The following PAWR variants were observed in gnomAD, a reference collection of about 807,000 sequenced individuals.
PAWR encodes PRKC apoptosis WT1 regulator protein.
In PAWR, 23 loss-of-function variants were observed where a neutral mutation model predicts 32.0. That is an observed-to-expected ratio of 0.72 (90% CI 0.52 to 1.02). The LOEUF (loss-of-function observed/expected upper bound fraction) is 1.02. PAWR is among the 50% of genes least tolerant of loss of function. The pLI is 0.00. For missense variants in PAWR, 457 were observed against 437.7 expected, an observed-to-expected ratio of 1.04 and a Z score of -0.39; for synonymous variants, 226 against 187.1, an observed-to-expected ratio of 1.21 and a Z score of -1.70.
intron 2 of PAWR, among the ~76,000 whole-genome samples, chr12:79,641,390 G>A (rs1340574642): frequency 2.0e-5 from 3 of 152,154 alleles, no homozygotes; most frequent in African/African-American, 4.8e-5. Context: ...ACAAGTGATG[G>A]AGCTGTGATA....
At position 79,689,645 on chromosome 12, in the gene PAWR, G is replaced by A. The variant is rs1592563905; in HGVS notation, c.516+84C>T. 5.3e-5 allele frequency: 77 copies of A among 1,443,450 alleles called. No individual in the cohort carries two copies. In the East Asian group the frequency reaches 2.0e-3, roughly 38 times the overall value. 89.4% of individuals were successfully genotyped at this position (1,443,450 alleles called of 1,614,324 possible). ...ACGAGCCAGGGGAGGTAAACTCTGCGCCCCGGGTAGCTCCCAGGAGGAAGA... is the reference window on the plus strand; with the variant it reads ...ACGAGCCAGGGGAGGTAAACTCTGCACCCCGGGTAGCTCCCAGGAGGAAGA... On this transcript the variant is annotated intron_variant, in intron 2 of 6. Coordinates refer to ENST00000328827, the MANE Select transcript of PAWR (RefSeq NM_002583.4).
intron 5 of PAWR, among the ~76,000 whole-genome samples, chr12:79,595,521 T>C (rs980942749): frequency 1.1e-4 from 17 of 152,316 alleles, no homozygotes; most frequent in Admixed American, 1.0e-3. Flanking sequence ...AACTATTAGA[T>C]TACATATTGT....
At chr12:79,682,497 T>C (rs1416753881) in intron 2 of PAWR, among the ~76,000 whole-genome samples, 1 of 152,238 alleles carries the variant, frequency 6.6e-6, no homozygotes, top group Admixed American at 6.5e-5. Flanking sequence ...CATTGAAAAA[T>C]ACACTGTGAC....
intron 3 of PAWR, among the ~76,000 whole-genome samples, chr12:79,616,730 T>A (rs1441358506): frequency 6.6e-6 from 1 of 151,934 alleles, no homozygotes; most frequent in East Asian, 1.9e-4. Flanking sequence ...GTTTTTTTTT[T>A]AAACACTCAG....
intron 3 of PAWR, among the ~76,000 whole-genome samples, chr12:79,614,460 T>C (rs1874630077): frequency 6.6e-6 from 1 of 152,132 alleles, no homozygotes; most frequent in Non-Finnish European, 1.5e-5. Flanking sequence ...ATTTTAATAT[T>C]GTGCTGATTC....
chr12:79,592,814 T>C (rs1873603470), intron 6 of PAWR, 121 bp from the exon 7 acceptor site: 1 of 545,756 alleles, frequency 1.8e-6, no homozygotes, highest in Non-Finnish European at 3.2e-6. Context: ...GGGCAAGCTC[T>C]GAAAACAACT....
chr12:79,628,308 G>A (rs1436817798), intron 2 of PAWR, among the ~76,000 whole-genome samples: 8 of 151,894 alleles, frequency 5.3e-5, no homozygotes, highest in Non-Finnish European at 2.9e-5. Flanking sequence ...CACATTCAAA[G>A]CAGTGTGTAG....
At chr12:79,648,747 C>T (rs1876698702) in intron 2 of PAWR, among the ~76,000 whole-genome samples, 1 of 150,942 alleles carries the variant, frequency 6.6e-6, no homozygotes, top group Non-Finnish European at 1.5e-5. Context: ...CATGACTATG[C>T]CTTTGCACTC....
chr12:79,675,928 G>T (rs1878142799), intron 2 of PAWR, among the ~76,000 whole-genome samples: 1 of 151,940 alleles, frequency 6.6e-6, no homozygotes, highest in South Asian at 2.1e-4. Context: ...TATTTGTTTT[G>T]CTCAGGCTAG....
chr12:79,664,908 T>G (rs1045167909), intron 2 of PAWR, among the ~76,000 whole-genome samples: 5 of 152,200 alleles, frequency 3.3e-5, no homozygotes, highest in Non-Finnish European at 7.3e-5. Context: ...TAGTGAACAT[T>G]CAGTCACTGC....
At chr12:79,648,207 C>T (rs1876670587) in intron 2 of PAWR, among the ~76,000 whole-genome samples, 1 of 152,094 alleles carries the variant, frequency 6.6e-6, no homozygotes, top group African/African-American at 2.4e-5. Flanking sequence ...AATAAAATGA[C>T]TAAAGATGAC....
At chr12:79,686,901 CTAGAT>C (rs1352645437) in intron 2 of PAWR, among the ~76,000 whole-genome samples, 12 of 152,052 alleles carry the variant, frequency 7.9e-5, no homozygotes, top group Non-Finnish European at 1.8e-4. Context: ...ATCCTTCTTC[CTAGAT>C]TATAGCCTTG....
In PAWR at chr12:79,592,046, A is replaced by C. The variant is rs1873573890; in HGVS notation, c.*561T>G. 1 of 152,620 alleles carries C rather than the reference A, an allele frequency of 6.6e-6. No individual in the cohort carries two copies. Among genetic ancestry groups the C allele is most frequent in the Non-Finnish European group, 1.5e-5 (1 of 68,006 alleles). The allele number at this position is 152,620 out of a possible 1,614,324, so 9.5% of individuals were successfully genotyped here. On this transcript the variant is annotated 3_prime_UTR_variant, in exon 7 of 7. Transcript: ENST00000328827. Reference sequence around the variant, plus strand: ...AAATTTATATTTAGTCAACTAAAACATGACAGTGACTTTATAAGAGCTTTC... The same window carrying C: ...AAATTTATATTTAGTCAACTAAAACCTGACAGTGACTTTATAAGAGCTTTC...
chr12:79,653,085 C>T (rs925620012), intron 2 of PAWR, among the ~76,000 whole-genome samples: 7 of 151,846 alleles, frequency 4.6e-5, no homozygotes, highest in Non-Finnish European at 1.0e-4. Flanking sequence ...CTGTTGTTGC[C>T]CGGGCTGGAG....
chr12:79,608,572 A>T (rs1874301529), intron 4 of PAWR, among the ~76,000 whole-genome samples: 1 of 151,868 alleles, frequency 6.6e-6, no homozygotes, highest in African/African-American at 2.4e-5. Context: ...AGGGGTGGGG[A>T]CCCCTGGCTT....
intron 2 of PAWR, among the ~76,000 whole-genome samples, chr12:79,626,591 A>T (rs1032273110): frequency 2.2e-4 from 32 of 147,158 alleles, no homozygotes; most frequent in African/African-American, 7.5e-4. Context: ...TTTTTTTTTT[A>T]ATTTTATTAT....
At position 79,625,173 on chromosome 12, in the gene PAWR, G is replaced by T. The variant is rs1307978134; in HGVS notation, c.517-3966C>A. Among the ~76,000 whole-genome samples, 5 of 151,954 alleles carry T rather than the reference G, an allele frequency of 3.3e-5. No homozygotes were observed. The East Asian group carries it at 5.8e-4, about 18-fold the overall frequency. The stretch of plus-strand genomic sequence containing the variant: ...AAGAGTCATTTGCATTTCTTTTGAG[G>T]TCTACCTCTAGTTTTCCATTTCTCT... On this transcript the variant is annotated intron_variant, in intron 2 of 6. Transcript: ENST00000328827.
At chr12:79,605,111 C>T (rs1483822920) in intron 4 of PAWR, among the ~76,000 whole-genome samples, 1 of 152,032 alleles carries the variant, frequency 6.6e-6, no homozygotes, top group Non-Finnish European at 1.5e-5. Flanking sequence ...CTCCATTTTA[C>T]ATAAACAGGT....
At chr12:79,660,082 A>C (rs995797437) in intron 2 of PAWR, among the ~76,000 whole-genome samples, 5 of 152,236 alleles carry the variant, frequency 3.3e-5, no homozygotes, top group African/African-American at 4.8e-5. Context: ...AAAACTAGCC[A>C]TTAAAAAGCA....
Sources: gnomAD v4.1 joint callset for allele counts (sites outside exome capture counted in the v4.1 genomes callset) on GRCh38, gnomAD v4.1.1 for gene constraint, MANE v1.5 for transcripts, NCBI Gene and HGNC (gene_info 2026-07-23, HGNC 2026-07-21) for gene names.